The following KCNMA1 variants were observed in gnomAD, a reference collection of about 807,000 sequenced individuals.
The protein encoded by KCNMA1 is potassium calcium-activated channel subfamily M alpha 1, also known as Calcium-activated potassium channel subunit alpha-1.
In KCNMA1, 29 loss-of-function variants were observed where a neutral mutation model predicts 140.0. The observed-to-expected ratio is 0.21, with a 90% CI of 0.15 to 0.28. The LOEUF is 0.28. Among genes scored for constraint, KCNMA1 ranks in the 10% least tolerant of loss-of-function variants. The probability of loss-of-function intolerance (pLI) is 1.00; values close to 1 mark genes in which losing one functional copy is unlikely to be tolerated. For missense variants in KCNMA1, 880 were observed against 1,602.2 expected (o/e 0.55, Z 7.70); for synonymous variants, 612 against 611.9 (o/e 1.00, Z 0.00).
intron 15 of KCNMA1, among the ~76,000 whole-genome samples, chr10:77,035,425 A>G (rs935628300): frequency 6.6e-6 from 1 of 152,210 alleles, no homozygotes; most frequent in Admixed American, 6.5e-5. Context: ...GGGTGTCTAG[A>G]TCTCTCTGAC....
chr10:77,400,473 T>C (rs1465017027), intron 2 of KCNMA1, among the ~76,000 whole-genome samples: 1 of 152,174 alleles, frequency 6.6e-6, no homozygotes, highest in Non-Finnish European at 1.5e-5. Context: ...TAAAAGATGG[T>C]AATGTCAAAA....
At chr10:77,081,245 A>G (rs1004062995) in intron 12 of KCNMA1, among the ~76,000 whole-genome samples, 3 of 152,172 alleles carry the variant, frequency 2.0e-5, no homozygotes, top group African/African-American at 4.8e-5. Flanking sequence ...TCATCTGGAC[A>G]CTGGGAGCAA....
intron 14 of KCNMA1, among the ~76,000 whole-genome samples, chr10:77,050,090 G>T (rs1421414825): frequency 1.3e-5 from 2 of 152,008 alleles, no homozygotes; most frequent in Non-Finnish European, 2.9e-5. Flanking sequence ...CCCATCTCAT[G>T]CCTATTCTAT....
In KCNMA1 at chr10:77,252,580, TATGA is replaced by T. The variant is rs2059879275; in HGVS notation, c.541-1328_541-1325del. Among the ~76,000 whole-genome samples, 11 of 151,068 alleles carry T rather than the reference TATGA, an allele frequency of 7.3e-5. 2 individuals are homozygous for T. On this transcript the variant is annotated intron_variant, in intron 2 of 27. Coordinates refer to ENST00000286628, the MANE Select transcript of KCNMA1 (RefSeq NM_001161352.2). ...GTGCGGGCACGTGTGCCTGTGTATG[TATGA>T]GAGACAGAATCTCTCTCTTTTACAC... is the stretch of plus-strand genomic sequence containing the variant.
At chr10:77,439,138 AAGAGAAG>A (rs1466586526) in intron 1 of KCNMA1, among the ~76,000 whole-genome samples, 1,465 of 143,242 alleles carry the variant, frequency 0.01, 11 homozygotes, top group East Asian at 0.03. Flanking sequence ...AAGAGAAGAG[AAGAGAAG>A]AGAAAAGAGA....
intron 19 of KCNMA1, chr10:76,973,041 C>T (rs2076513977): frequency 6.6e-6 from 1 of 152,198 alleles, no homozygotes; most frequent in Non-Finnish European, 1.5e-5. Context: ...CTTAAATTTA[C>T]TCACTTTCAT....
chr10:77,302,118 G>A (rs990427631), intron 2 of KCNMA1, among the ~76,000 whole-genome samples: 1 of 152,012 alleles, frequency 6.6e-6, no homozygotes, highest in Admixed American at 6.6e-5. Flanking sequence ...TTAGAATCAG[G>A]CTCGCATAAG....
At chr10:77,450,481 T>C (rs2097622851) in intron 1 of KCNMA1, among the ~76,000 whole-genome samples, 1 of 152,202 alleles carries the variant, frequency 6.6e-6, no homozygotes. Context: ...TATATAATAA[T>C]AAAATACACC....
At chr10:76,964,228 C>T (rs1004581272) in intron 20 of KCNMA1, among the ~76,000 whole-genome samples, 1 of 152,054 alleles carries the variant, frequency 6.6e-6, no homozygotes, top group Non-Finnish European at 1.5e-5. Context: ...GCCACCCTGG[C>T]AGAACTAGGG....
At chr10:76,899,073 A>T (rs937201330) in intron 25 of KCNMA1, among the ~76,000 whole-genome samples, 4 of 152,114 alleles carry the variant, frequency 2.6e-5, no homozygotes, top group Non-Finnish European at 5.9e-5. Context: ...CAATCACTGG[A>T]CGTGAATAAG....
chr10:77,569,919 G>A (rs1306307496), intron 1 of KCNMA1, among the ~76,000 whole-genome samples: 1 of 152,018 alleles, frequency 6.6e-6, no homozygotes, highest in Admixed American at 6.5e-5. Context: ...ATCAAAAAGT[G>A]GGCAAAGGAC....
chr10:76,972,855 T>C (rs1162849596), intron 19 of KCNMA1, among the ~76,000 whole-genome samples: 2 of 152,218 alleles, frequency 1.3e-5, no homozygotes, highest in Non-Finnish European at 2.9e-5. Context: ...TGATAACTTC[T>C]TTCTCATAAG....
At chr10:77,480,600 C>T (rs1373532035) in intron 1 of KCNMA1, among the ~76,000 whole-genome samples, 1 of 152,210 alleles carries the variant, frequency 6.6e-6, no homozygotes, top group African/African-American at 2.4e-5. Flanking sequence ...TCTAAGCTTG[C>T]CCAGAAGGTG....
intron 1 of KCNMA1, among the ~76,000 whole-genome samples, chr10:77,581,338 C>G (rs1450136059): frequency 6.7e-6 from 1 of 150,312 alleles, no homozygotes; most frequent in Non-Finnish European, 1.5e-5. Flanking sequence ...GAGACAGAGT[C>G]TCGCTCTGTC....
intron 1 of KCNMA1, among the ~76,000 whole-genome samples, chr10:77,431,892 T>C (rs1396103522): frequency 6.6e-6 from 1 of 151,144 alleles, no homozygotes; most frequent in East Asian, 2.0e-4. Context: ...ACTCGGGAGG[T>C]TGAGGCACGG....
intron 5 of KCNMA1, among the ~76,000 whole-genome samples, chr10:77,136,125 AT>A (rs1262751139): frequency 1.3e-5 from 2 of 152,246 alleles, no homozygotes; most frequent in Non-Finnish European, 2.9e-5. Flanking sequence ...AGCATTATTA[AT>A]CAAAGTAATT....
intron 3 of KCNMA1, among the ~76,000 whole-genome samples, chr10:77,226,618 G>T (rs564040851): frequency 6.6e-6 from 1 of 152,028 alleles, no homozygotes; most frequent in African/African-American, 2.4e-5. Context: ...ATAGCCTGTC[G>T]AAAACAATCT....
intron 23 of KCNMA1, among the ~76,000 whole-genome samples, chr10:76,943,546 A>T (rs2063144395): frequency 6.6e-6 from 1 of 152,170 alleles, no homozygotes; most frequent in African/African-American, 2.4e-5. Context: ...ATCTGATAGA[A>T]GATTTGAACC....
chr10:77,053,249 C>G lies in KCNMA1; in HGVS notation c.1750-13612G>C, dbSNP rs141051429. ...TGAGGTAACTCATTGCAGCACACAG[C>G]TGTTCTCCTTGCAGTCAACACCAGT... On this transcript the variant is annotated intron_variant, in intron 14 of 27. Transcript: ENST00000286628. Among the ~76,000 whole-genome samples the G allele has an allele frequency of 1.4e-3, 208 of 152,340 alleles. 1 individual carries two copies. The highest frequency in any genetic ancestry group is 4.8e-3 in the African/African-American group (198 of 41,574).
Sources: allele counts gnomAD v4.1 joint callset (sites outside exome capture counted in the v4.1 genomes callset), GRCh38; gene constraint gnomAD v4.1.1; transcripts MANE v1.5; gene names NCBI Gene and HGNC (gene_info 2026-07-23, HGNC 2026-07-21).